The following PDZRN4 variants were observed in gnomAD, a reference collection of about 807,000 sequenced individuals.
PDZRN4 encodes PDZ domain-containing RING finger protein 4.
Under a neutral mutation model 99.0 loss-of-function variants are expected in PDZRN4, and 70 were observed. That is an observed-to-expected ratio of 0.71 (90% CI 0.58 to 0.86). The LOEUF is 0.86. Among genes scored for constraint, PDZRN4 ranks in the 40% least tolerant of loss-of-function variants. The probability of loss-of-function intolerance (pLI) is 0.00; values close to 1 mark genes in which losing one functional copy is unlikely to be tolerated. For synonymous variants in PDZRN4, 551 were observed against 501.6 expected (o/e 1.10, Z -1.32); for missense variants, 1,474 against 1,331.2 (o/e 1.11, Z -1.67).
At chr12:41,490,054 C>T (rs960692994) in intron 3 of PDZRN4, among the ~76,000 whole-genome samples, 2 of 150,816 alleles carry the variant, frequency 1.3e-5, no homozygotes, top group African/African-American at 4.9e-5. Context: ...TGTTGTGTGA[C>T]CTTAGTAAAA....
chr12:41,499,066 CAA>C lies in PDZRN4; in HGVS notation c.844-7389_844-7388del, dbSNP rs145156135. ...TTAACATAAAGAACCTAGGGAATAG[CAA>C]GAGAGAGAGAGAGACGTTCTTACTA... On this transcript the variant is annotated intron_variant, in intron 3 of 9. Transcript: ENST00000402685. Among the ~76,000 whole-genome samples the C allele has an allele frequency of 7.6e-3, 1,155 of 151,970 alleles. 18 individuals carry two copies. The highest frequency in any genetic ancestry group is 0.025 in the African/African-American group (1,047 of 41,460).
chr12:41,411,062 TATATA>T (rs143944426), intron 3 of PDZRN4, among the ~76,000 whole-genome samples: 3 of 125,452 alleles, frequency 2.4e-5, no homozygotes, highest in East Asian at 2.1e-4. Context: ...TATATATATA[TATATA>T]TTTTTTTTTT....
chr12:41,404,695 A>G (rs181434910), intron 3 of PDZRN4, among the ~76,000 whole-genome samples: 3 of 152,128 alleles, frequency 2.0e-5, no homozygotes, highest in Non-Finnish European at 2.9e-5. Context: ...AAGAGCATGA[A>G]TAGCAATTCT....
chr12:41,264,159 ATTG>A (rs1280734771), intron 3 of PDZRN4, among the ~76,000 whole-genome samples: 1 of 152,202 alleles, frequency 6.6e-6, no homozygotes, highest in Non-Finnish European at 1.5e-5. Context: ...CAATGAATAC[ATTG>A]TTATTTATTT....
intron 3 of PDZRN4, among the ~76,000 whole-genome samples, chr12:41,455,231 G>A (rs998327471): frequency 6.6e-6 from 1 of 152,058 alleles, no homozygotes; most frequent in Non-Finnish European, 1.5e-5. Flanking sequence ...AATTATAAAA[G>A]CAAGTATAAA....
At chr12:41,542,977 A>G (rs529377485) in intron 5 of PDZRN4, among the ~76,000 whole-genome samples, 8 of 152,280 alleles carry the variant, frequency 5.3e-5, no homozygotes, top group Non-Finnish European at 7.4e-5. Context: ...CAGATTATGC[A>G]TATTGGCCTC....
chr12:41,490,802 T>G (rs1056888934), intron 3 of PDZRN4, among the ~76,000 whole-genome samples: 2 of 152,106 alleles, frequency 1.3e-5, no homozygotes, highest in African/African-American at 4.8e-5. Context: ...TACTTGGAAC[T>G]TCTACTATGC....
chr12:41,530,024 T>C (rs577047406), intron 5 of PDZRN4, among the ~76,000 whole-genome samples: 80 of 152,356 alleles, frequency 5.3e-4, no homozygotes, highest in African/African-American at 1.9e-3. Context: ...CTTTTGGTGC[T>C]ATCAAGAGTT....
chr12:41,403,403 A>G (rs1952318028), intron 3 of PDZRN4, among the ~76,000 whole-genome samples: 3 of 152,136 alleles, frequency 2.0e-5, no homozygotes, highest in Admixed American at 6.6e-5. Context: ...TGCTCCCCCA[A>G]ATACATGGTG....
chr12:41,573,944 T>C lies in PDZRN4; in HGVS notation c.*54T>C. 1 of 1,275,700 alleles carries C rather than the reference T, an allele frequency of 7.8e-7. No individual in the cohort carries two copies. The allele number at this position is 1,275,700 out of a possible 1,614,324, so 79.0% of individuals were successfully genotyped here. A position where few individuals can be genotyped will look rare whatever the true frequency, so the allele number is the denominator to read the frequency against. On this transcript the variant is annotated 3_prime_UTR_variant, in exon 10 of 10. Coordinates refer to ENST00000402685, the MANE Select transcript of PDZRN4 (RefSeq NM_001164595.2). ...TTTAGGAGGATGCTACCAGTTTCGG[T>C]AGAGTATGATTGCCTCGTTCAATGT... is the stretch of plus-strand genomic sequence containing the variant.
intron 1 of PDZRN4, among the ~76,000 whole-genome samples, chr12:41,190,111 A>G (rs982013510): frequency 7.2e-5 from 11 of 152,168 alleles, no homozygotes; most frequent in Admixed American, 2.6e-4. Context: ...AGCTGTTTTC[A>G]TTCTTCAGCA....
chr12:41,262,849 C>T (rs1262199811), intron 3 of PDZRN4, among the ~76,000 whole-genome samples: 3 of 151,952 alleles, frequency 2.0e-5, no homozygotes, highest in Non-Finnish European at 2.9e-5. Flanking sequence ...GATAAGATGT[C>T]GGCGTTTCTA....
At chr12:41,419,396 G>C (rs1054152691) in intron 3 of PDZRN4, among the ~76,000 whole-genome samples, 6 of 152,124 alleles carry the variant, frequency 3.9e-5, no homozygotes, top group Non-Finnish European at 8.8e-5. Flanking sequence ...GCTTAGAACA[G>C]ACCCAAGTGC....
At chr12:41,293,151 T>C (rs2120913283) in intron 3 of PDZRN4, among the ~76,000 whole-genome samples, 1 of 142,962 alleles carries the variant, frequency 7.0e-6, no homozygotes, top group South Asian at 2.3e-4. Flanking sequence ...ATTTGTGTCT[T>C]ATACCCACAT....
At chr12:41,250,708 A>G (rs576503312) in intron 3 of PDZRN4, among the ~76,000 whole-genome samples, 2 of 152,228 alleles carry the variant, frequency 1.3e-5, no homozygotes, top group South Asian at 4.1e-4. Context: ...TGAAACTTTC[A>G]CAAAGTTGCA....
chr12:41,414,693 G>T (rs1416139565), intron 3 of PDZRN4, among the ~76,000 whole-genome samples: 1 of 152,058 alleles, frequency 6.6e-6, no homozygotes, highest in East Asian at 1.9e-4. Flanking sequence ...TAGTGAAGCA[G>T]ATAAGCATAT....
chr12:41,316,457 T>A (rs1054904704), intron 3 of PDZRN4, among the ~76,000 whole-genome samples: 4 of 29,116 alleles, frequency 1.4e-4, no homozygotes, highest in Non-Finnish European at 2.6e-4. Context: ...AAAAGGCAAA[T>A]GTGTGTGTGT....
chr12:41,552,805 G>A (rs373105236), intron 6 of PDZRN4, 51 bp downstream of exon 6: 1 of 1,378,194 alleles, frequency 7.3e-7, no homozygotes. Context: ...AGGAAGAACA[G>A]AGCGAAATGA....
intron 3 of PDZRN4, among the ~76,000 whole-genome samples, chr12:41,277,523 G>A (rs1425220300): frequency 8.5e-5 from 13 of 152,102 alleles, no homozygotes; most frequent in Admixed American, 8.5e-4. Context: ...ACAGATGGCC[G>A]GCCTTCTTAT....
Sources: gnomAD v4.1 joint callset for allele counts (sites outside exome capture counted in the v4.1 genomes callset) on GRCh38, gnomAD v4.1.1 for gene constraint, MANE v1.5 for transcripts, NCBI Gene and HGNC (gene_info 2026-07-23, HGNC 2026-07-21) for gene names.